SLC30A8: variants seen among roughly 807,000 people sequenced by gnomAD.
SLC30A8 encodes the protein solute carrier family 30 member 8, also known as proton-coupled zinc antiporter SLC30A8.
In SLC30A8, 27 loss-of-function variants were observed where a neutral mutation model predicts 36.9. The observed-to-expected ratio is 0.73, with a 90% CI of 0.54 to 1.01. SLC30A8 has a LOEUF of 1.01. Among genes scored for constraint, SLC30A8 ranks in the 50% least tolerant of loss-of-function variants. The pLI, the probability that SLC30A8 is intolerant of heterozygous loss-of-function variation, is 0.00. For synonymous variants in SLC30A8, 164 were observed against 172.4 expected, an observed-to-expected ratio of 0.95 and a Z score of 0.38; for missense variants, 439 against 452.0, an observed-to-expected ratio of 0.97 and a Z score of 0.26.
chr8:117,111,680 T>C (rs144227314), intron 2 of SLC30A8, among the ~76,000 whole-genome samples: 158 of 152,238 alleles, frequency 1.0e-3, no homozygotes, highest in Non-Finnish European at 1.9e-3. Flanking sequence ...GCTGCAAAGC[T>C]ACTACAATAT....
intron 1 of SLC30A8, among the ~76,000 whole-genome samples, chr8:116,975,354 A>G (rs1286527151): frequency 1.3e-5 from 2 of 152,198 alleles, no homozygotes; most frequent in Non-Finnish European, 2.9e-5. Flanking sequence ...TGCATATTCT[A>G]TATCTTTGTT....
intron 1 of SLC30A8, among the ~76,000 whole-genome samples, chr8:117,000,515 G>A (rs1426528801): frequency 1.3e-5 from 2 of 152,142 alleles, no homozygotes; most frequent in Non-Finnish European, 2.9e-5. Flanking sequence ...TTTATCTAAT[G>A]TGCTTAGTTT....
chr8:117,168,704 GCAAGTCTT>G (rs1823195928), intron 6 of SLC30A8, among the ~76,000 whole-genome samples: 1 of 152,124 alleles, frequency 6.6e-6, no homozygotes, highest in Non-Finnish European at 1.5e-5. Context: ...ATGAATGATA[GCAAGTCTT>G]CAAATGGTCA....
At chr8:117,155,669 C>T (rs1451349296) in intron 3 of SLC30A8, among the ~76,000 whole-genome samples, 2 of 152,056 alleles carry the variant, frequency 1.3e-5, no homozygotes, top group Non-Finnish European at 2.9e-5. Flanking sequence ...TATTACATTA[C>T]TTGGTTTTAA....
intron 1 of SLC30A8, among the ~76,000 whole-genome samples, chr8:117,004,569 A>G (rs1816112688): frequency 6.6e-6 from 1 of 152,116 alleles, no homozygotes; most frequent in Non-Finnish European, 1.5e-5. Context: ...GATAATTGAT[A>G]CCAGAAAAGG....
intron 2 of SLC30A8, among the ~76,000 whole-genome samples, chr8:117,126,098 T>C (rs1820892479): frequency 6.6e-6 from 1 of 151,988 alleles, no homozygotes; most frequent in African/African-American, 2.4e-5. Flanking sequence ...AGCTTAATAT[T>C]CTTGCCAACT....
intron 3 of SLC30A8, among the ~76,000 whole-genome samples, chr8:117,153,723 G>GGTGTGT (rs59464276): frequency 0.016 from 2,314 of 146,962 alleles, 34 homozygotes; most frequent in African/African-American, 0.036. Context: ...CATGATAAGG[G>GGTGTGT]GTGTGTGTGT....
At chr8:117,121,526 T>G (rs1820693784) in intron 2 of SLC30A8, among the ~76,000 whole-genome samples, 1 of 151,906 alleles carries the variant, frequency 6.6e-6, no homozygotes, top group African/African-American at 2.4e-5. Context: ...GATTCTCTCT[T>G]GTGCCTCTTT....
chr8:117,029,102 A>G (rs952925305), intron 1 of SLC30A8, among the ~76,000 whole-genome samples: 2 of 152,224 alleles, frequency 1.3e-5, no homozygotes, highest in Admixed American at 6.5e-5. Flanking sequence ...AAACAGAAAT[A>G]GTATCTTTTG....
Position 117,153,010 on chromosome 8 carries a change from G to A in SLC30A8, c.338G>A (p.Ser113Asn), listed in dbSNP as rs759922365. 5 of 1,613,652 alleles carry A rather than the reference G, an allele frequency of 3.1e-6. No homozygotes were observed. The East Asian group carries it at 1.1e-4, about 36-fold the overall frequency. ...GCCCACCTCTTAATTGACCTGACCA[G>A]TTTCCTGCTCAGTCTCTTCTCCCTG... ...DAAHLLIDLTSFLLSLFSLWL... is the reference protein window; with the variant it reads ...DAAHLLIDLTNFLLSLFSLWL... Residue 113 changes from serine (S) to asparagine (N), a missense_variant, in exon 3 of 8, where the codon AGT becomes AAT. By Grantham distance (46) the Ser-to-Asn change is conservative (BLOSUM62 1). Transcript: ENST00000456015.
At chr8:117,057,475 G>T (rs1432229758) in intron 2 of SLC30A8, among the ~76,000 whole-genome samples, 2 of 151,912 alleles carry the variant, frequency 1.3e-5, no homozygotes, top group South Asian at 2.1e-4. Flanking sequence ...TAGGTCCCAA[G>T]AATTTATTCA....
upstream of SLC30A8, among the ~76,000 whole-genome samples, chr8:117,130,909 C>G (rs146444415): frequency 3.5e-3 from 527 of 152,028 alleles, 8 homozygotes; most frequent in African/African-American, 0.012. Flanking sequence ...CAATATTTCT[C>G]CCCCCAAAAA....
At chr8:117,142,014 G>A (rs1255545708) in intron 1 of SLC30A8, among the ~76,000 whole-genome samples, 1 of 152,104 alleles carries the variant, frequency 6.6e-6, no homozygotes, top group African/African-American at 2.4e-5. Flanking sequence ...TGACTAGTGA[G>A]TGGTAAGGGT....
intron 4 of SLC30A8, among the ~76,000 whole-genome samples, chr8:117,159,887 G>T (rs1586605027): frequency 6.6e-6 from 1 of 152,302 alleles, no homozygotes; most frequent in East Asian, 1.9e-4. Context: ...TTTCTAAACA[G>T]ATATCATCCA....
chr8:117,111,433 C>T (rs1820222050), intron 2 of SLC30A8, among the ~76,000 whole-genome samples: 1 of 152,128 alleles, frequency 6.6e-6, no homozygotes, highest in Admixed American at 6.6e-5. Flanking sequence ...TTAGTAATAG[C>T]ACCCTACCTT....
chr8:117,131,082 A>G (rs533747087), upstream of SLC30A8, among the ~76,000 whole-genome samples: 12 of 152,134 alleles, frequency 7.9e-5, no homozygotes, highest in African/African-American at 2.9e-4. Flanking sequence ...CTTGAAAAAT[A>G]GAAATAGTAA....
At chr8:116,980,620 A>G (rs540095204) in intron 1 of SLC30A8, among the ~76,000 whole-genome samples, 12 of 152,342 alleles carry the variant, frequency 7.9e-5, no homozygotes, top group African/African-American at 2.9e-4. Flanking sequence ...ACTGTGAGTT[A>G]TTTATCAGCC....
At chr8:117,128,792 G>C (rs1300652344) in intron 2 of SLC30A8, among the ~76,000 whole-genome samples, 4 of 152,004 alleles carry the variant, frequency 2.6e-5, no homozygotes, top group African/African-American at 9.7e-5. Flanking sequence ...GAAGGAAAAA[G>C]GGGATTATTT....
intron 1 of SLC30A8, among the ~76,000 whole-genome samples, chr8:116,982,194 C>T (rs1815291205): frequency 6.6e-6 from 1 of 150,830 alleles, no homozygotes. Flanking sequence ...CTTTCATATG[C>T]TTAATGTCAA....
Sources: gnomAD v4.1 joint callset for allele counts (sites outside exome capture counted in the v4.1 genomes callset) on GRCh38, gnomAD v4.1.1 for gene constraint, MANE v1.5 for transcripts, NCBI Gene and HGNC (gene_info 2026-07-23, HGNC 2026-07-21) for gene names.